The following GALNTL6 variants were observed in gnomAD, a reference collection of about 807,000 sequenced individuals.
GALNTL6 encodes polypeptide N-acetylgalactosaminyltransferase like 6.
GALNTL6 carries 46 observed loss-of-function variants against 73.7 expected under a neutral mutation model. That is an observed-to-expected ratio of 0.62 (90% CI 0.49 to 0.80). The LOEUF is 0.80. GALNTL6 is among the 30% of genes least tolerant of loss of function. GALNTL6 has a pLI of 0.00. For missense variants in GALNTL6, 604 were observed against 755.0 expected (o/e 0.80, Z 2.34); for synonymous variants, 259 against 263.7 (o/e 0.98, Z 0.17).
chr4:172,230,049 G>T (rs1442270106), intron 3 of GALNTL6, among the ~76,000 whole-genome samples: 1 of 152,070 alleles, frequency 6.6e-6, no homozygotes, highest in Non-Finnish European at 1.5e-5. Context: ...GGGTATCCTG[G>T]GATTTATCAA....
chr4:172,771,953 G>T (rs571922880), intron 5 of GALNTL6, among the ~76,000 whole-genome samples: 1 of 151,968 alleles, frequency 6.6e-6, no homozygotes, highest in Non-Finnish European at 1.5e-5. Flanking sequence ...AGACATACCC[G>T]AGATTGGGCA....
chr4:172,035,139 C>T (rs1322822007), intron 2 of GALNTL6, among the ~76,000 whole-genome samples: 1 of 151,820 alleles, frequency 6.6e-6, no homozygotes, highest in African/African-American at 2.4e-5. Flanking sequence ...TGCTTATTAC[C>T]TGATATTTCA....
intron 10 of GALNTL6, among the ~76,000 whole-genome samples, chr4:172,967,188 G>C (rs781582156): frequency 3.9e-5 from 6 of 152,152 alleles, no homozygotes; most frequent in Non-Finnish European, 5.9e-5. Flanking sequence ...TGATAACCTA[G>C]TTGTATTTTG....
chr4:172,871,896 A>G (rs540470399), intron 7 of GALNTL6, among the ~76,000 whole-genome samples: 1 of 151,710 alleles, frequency 6.6e-6, no homozygotes, highest in East Asian at 1.9e-4. Flanking sequence ...TGATTCTCCC[A>G]CCTCAGCCTC....
intron 2 of GALNTL6, among the ~76,000 whole-genome samples, chr4:171,857,377 T>C (rs150358126): frequency 9.3e-4 from 141 of 152,178 alleles, no homozygotes; most frequent in African/African-American, 3.0e-3. Flanking sequence ...AGTAGGAAAG[T>C]TGTACACAGG....
intron 2 of GALNTL6, among the ~76,000 whole-genome samples, chr4:171,971,861 G>A (rs796095857): frequency 5.9e-5 from 9 of 152,252 alleles, no homozygotes; most frequent in Admixed American, 3.9e-4. Flanking sequence ...CCTGTTGGCT[G>A]TGTGTGTCTG....
intron 5 of GALNTL6, among the ~76,000 whole-genome samples, chr4:172,486,047 C>T (rs1303299868): frequency 6.6e-6 from 1 of 152,126 alleles, no homozygotes; most frequent in African/African-American, 2.4e-5. Context: ...TACCAAGTGA[C>T]AGGTAGCATC....
At chr4:172,556,841 C>T (rs186328492) in intron 5 of GALNTL6, among the ~76,000 whole-genome samples, 58 of 151,734 alleles carry the variant, frequency 3.8e-4, no homozygotes, top group Non-Finnish European at 6.6e-4. Flanking sequence ...AGATGATAAA[C>T]CCTTGAACTT....
intron 2 of GALNTL6, among the ~76,000 whole-genome samples, chr4:172,004,924 G>C (rs1008088787): frequency 4.7e-5 from 7 of 149,970 alleles, no homozygotes; most frequent in African/African-American, 1.5e-4. Context: ...TGGAACCTTA[G>C]ATTTAACTCA....
Position 172,343,449 on chromosome 4 carries a change from A to C in GALNTL6, c.387-5074A>C, listed in dbSNP as rs1035882810. 1.1e-3 allele frequency among the ~76,000 whole-genome samples: 174 copies of C among 152,322 alleles called. 1 individual carries two copies. The highest frequency in any genetic ancestry group is 4.1e-3 in the African/African-American group (171 of 41,588). On this transcript the variant is annotated intron_variant, in intron 4 of 12. Coordinates refer to ENST00000506823, the MANE Select transcript of GALNTL6 (RefSeq NM_001034845.3). ...ACTAAAGTATCTCTTTTAGACAAAAATAAGTCACTGATAAGTCTGGTACTT... is the reference window on the plus strand; with the variant it reads ...ACTAAAGTATCTCTTTTAGACAAAACTAAGTCACTGATAAGTCTGGTACTT...
At chr4:171,838,615 T>C (rs915023358) in intron 2 of GALNTL6, among the ~76,000 whole-genome samples, 1 of 152,158 alleles carries the variant, frequency 6.6e-6, no homozygotes, top group African/African-American at 2.4e-5. Flanking sequence ...ACTTGTGAAT[T>C]TCATTTCAAA....
chr4:172,744,840 C>CGT (rs3084334), intron 5 of GALNTL6, among the ~76,000 whole-genome samples: 27,038 of 148,758 alleles, frequency 0.18, 2,510 homozygotes, highest in Admixed American at 0.31. Context: ...AGTGCGCGTG[C>CGT]GTGTGTGTGT....
chr4:171,988,129 G>A (rs192888127), intron 2 of GALNTL6, among the ~76,000 whole-genome samples: 134 of 152,306 alleles, frequency 8.8e-4, no homozygotes, highest in Middle Eastern at 3.4e-3. Flanking sequence ...ACGCAGACAT[G>A]AGGGCTAGGC....
chr4:172,729,795 C>T (rs1455114245), intron 5 of GALNTL6, among the ~76,000 whole-genome samples: 1 of 152,084 alleles, frequency 6.6e-6, no homozygotes, highest in African/African-American at 2.4e-5. Flanking sequence ...GATAGGATTG[C>T]ATTGAATATG....
chr4:171,817,242 A>C (rs1013839329), intron 2 of GALNTL6, among the ~76,000 whole-genome samples: 1 of 152,012 alleles, frequency 6.6e-6, no homozygotes, highest in Non-Finnish European at 1.5e-5. Context: ...TTATGTGTAA[A>C]ACAGCCAAGG....
At chr4:172,681,144 A>T (rs1005312984) in intron 5 of GALNTL6, among the ~76,000 whole-genome samples, 3 of 152,174 alleles carry the variant, frequency 2.0e-5, no homozygotes, top group Admixed American at 1.3e-4. Flanking sequence ...AATGGCAGGT[A>T]ATCAAGCAGA....
chr4:172,424,227 A>T (rs968369253), intron 5 of GALNTL6, among the ~76,000 whole-genome samples: 22 of 152,064 alleles, frequency 1.4e-4, no homozygotes, highest in Admixed American at 1.1e-3. Context: ...GTTATTTTTT[A>T]AATTTTATTT....
intron 5 of GALNTL6, among the ~76,000 whole-genome samples, chr4:172,772,721 G>T (rs573464553): frequency 1.8e-5 from 2 of 108,934 alleles, no homozygotes; most frequent in African/African-American, 5.6e-5. Context: ...GGTAGGCTGA[G>T]TAGTGGCCCC....
At chr4:172,709,860 T>C (rs1347567907) in intron 5 of GALNTL6, among the ~76,000 whole-genome samples, 3 of 78,090 alleles carry the variant, frequency 3.8e-5, no homozygotes, top group South Asian at 6.9e-4. Flanking sequence ...ATATATATAA[T>C]TAAAGGGAAA....
Sources: allele counts gnomAD v4.1 joint callset (sites outside exome capture counted in the v4.1 genomes callset), GRCh38; gene constraint gnomAD v4.1.1; transcripts MANE v1.5; gene names NCBI Gene and HGNC (gene_info 2026-07-23, HGNC 2026-07-21).